The following SH2D4B variants were observed in gnomAD, a reference collection of about 807,000 sequenced individuals.
SH2D4B encodes SH2 domain containing 4B.
SH2D4B carries 45 observed loss-of-function variants against 61.5 expected under a neutral mutation model. The ratio of observed to expected loss-of-function variants is 0.73; its 90% CI spans 0.58 to 0.94. SH2D4B has a LOEUF of 0.94. Among genes scored for constraint, SH2D4B ranks in the 40% least tolerant of loss-of-function variants. The probability of loss-of-function intolerance (pLI) is 0.00; values close to 1 mark genes in which losing one functional copy is unlikely to be tolerated. For missense variants in SH2D4B, 572 were observed against 574.2 expected, an observed-to-expected ratio of 1.00 and a Z score of 0.04; for synonymous variants, 224 against 220.4, an observed-to-expected ratio of 1.02 and a Z score of -0.14.
At chr10:80,544,073 T>C (rs1445481964) in intron 1 of SH2D4B, among the ~76,000 whole-genome samples, 2 of 151,998 alleles carry the variant, frequency 1.3e-5, no homozygotes, top group Admixed American at 6.5e-5. Flanking sequence ...CCTTCCACAC[T>C]GTGGAAGCTT....
chr10:80,598,630 T>G (rs760437914), intron 4 of SH2D4B, among the ~76,000 whole-genome samples: 1 of 152,194 alleles, frequency 6.6e-6, no homozygotes, highest in African/African-American at 2.4e-5. Flanking sequence ...CCAAATTAAA[T>G]TTTCCAAGTT....
chr10:80,586,480 C>G (rs962159335), intron 3 of SH2D4B, among the ~76,000 whole-genome samples: 3 of 152,160 alleles, frequency 2.0e-5, no homozygotes, highest in African/African-American at 7.2e-5. Flanking sequence ...ATGCACCAAT[C>G]GACACTGTAT....
intron 6 of SH2D4B, among the ~76,000 whole-genome samples, chr10:80,610,961 A>T (rs1842590931): frequency 6.6e-6 from 1 of 152,012 alleles, no homozygotes; most frequent in Admixed American, 6.6e-5. Flanking sequence ...ACTTGAGGTC[A>T]GGAGTTTGAA....
chr10:80,545,390 C>CCTCCT (rs1004153790), intron 1 of SH2D4B, among the ~76,000 whole-genome samples: 3 of 151,742 alleles, frequency 2.0e-5, no homozygotes, highest in Non-Finnish European at 4.4e-5. Context: ...TGCTTCTCCT[C>CCTCCT]CTCCTCTCCT....
Position 80,603,762 on chromosome 10 carries a change from C to G in SH2D4B, c.827C>G (p.Pro276Arg). The change falls in exon 5 of 8, where the codon CCG becomes CGG. Residue 276 changes from proline (P) to arginine (R), a missense_variant. By Grantham distance (103) the Pro-to-Arg change is moderately radical (BLOSUM62 -2). Coordinates refer to ENST00000646907, the MANE Select transcript of SH2D4B (RefSeq NM_001388272.1). ...EARLYHHLPDPGLPQPLALPV... is the reference protein window; with the variant it reads ...EARLYHHLPDRGLPQPLALPV... Reference sequence around the variant, plus strand: ...AGACTCTACCACCACCTCCCCGACCCGGGTCTGCCGCAGCCCCTTGCCCTG... The same window carrying G: ...AGACTCTACCACCACCTCCCCGACCGGGGTCTGCCGCAGCCCCTTGCCCTG... 5 of 1,611,994 alleles carry G rather than the reference C, an allele frequency of 3.1e-6. No individual in the cohort carries two copies. Among genetic ancestry groups the G allele is most frequent in the Admixed American group, 1.7e-5 (1 of 59,962 alleles).
intron 6 of SH2D4B, among the ~76,000 whole-genome samples, chr10:80,621,885 G>C (rs1842720026): frequency 1.3e-5 from 2 of 152,088 alleles, no homozygotes. Flanking sequence ...ACCACGCCTG[G>C]CTAATTTTTG....
chr10:80,598,694 A>C (rs981819341), intron 4 of SH2D4B, among the ~76,000 whole-genome samples: 2 of 152,180 alleles, frequency 1.3e-5, no homozygotes, highest in Admixed American at 1.3e-4. Flanking sequence ...TTAGTTATTC[A>C]GTTCAACAGA....
At chr10:80,586,189 C>T (rs2132127981) in intron 3 of SH2D4B, among the ~76,000 whole-genome samples, 1 of 152,230 alleles carries the variant, frequency 6.6e-6, no homozygotes, top group East Asian at 1.9e-4. Flanking sequence ...CGCCGAGCCT[C>T]CACGACGAGC....
chr10:80,603,894 T>C, intron 5 of SH2D4B, 99 bp downstream of exon 5: 2 of 1,112,670 alleles, frequency 1.8e-6, no homozygotes, highest in Non-Finnish European at 2.5e-6. Flanking sequence ...AGATTTGCTG[T>C]GTAGTTTGGG....
At chr10:80,610,136 T>C (rs1335396949) in intron 6 of SH2D4B, among the ~76,000 whole-genome samples, 2 of 152,168 alleles carry the variant, frequency 1.3e-5, no homozygotes, top group Non-Finnish European at 2.9e-5. Context: ...TCTGCTCACA[T>C]TTTCTGTCTT....
chr10:80,556,421 T>A (rs1490084580), intron 1 of SH2D4B, among the ~76,000 whole-genome samples: 2 of 152,256 alleles, frequency 1.3e-5, no homozygotes, highest in Non-Finnish European at 2.9e-5. Context: ...TTGTTTTGAC[T>A]ATTCTAGGTC....
rs759799423 is a variant in SH2D4B at position 80,603,676 on chromosome 10, C to T, written c.741C>T (p.Gly247=). 13 of 1,610,786 alleles carry T rather than the reference C, an allele frequency of 8.1e-6. No individual in the cohort carries two copies. Among genetic ancestry groups the T allele is most frequent in the African/African-American group, 1.3e-5 (1 of 74,926 alleles). ...ACTCGCTCCGTGCTATCCAGAAGGG[C>T]ACGGTCGCTGGCCTCAGCTCCATGT... ...RHHSLRAIQK[G]TVAGLSSMFR... is the part of the protein sequence containing the mutation. Residue 247 remains glycine, a synonymous_variant, in exon 5 of 8, where the codon GGC becomes GGT. Coordinates refer to ENST00000646907, the MANE Select transcript of SH2D4B (RefSeq NM_001388272.1).
At chr10:80,563,136 T>G (rs1188576524) in intron 1 of SH2D4B, among the ~76,000 whole-genome samples, 1 of 151,942 alleles carries the variant, frequency 6.6e-6, no homozygotes, top group African/African-American at 2.4e-5. Context: ...CTCCTGACCT[T>G]GTGATCTGCC....
chr10:80,634,327 T>G lies in SH2D4B; in HGVS notation c.1031T>G (p.Met344Arg). ...REDAEALLENMTEGAFLVRVS... is the reference protein window; with the variant it reads ...REDAEALLENRTEGAFLVRVS... ...GATGCAGAAGCTCTCCTGGAGAACA[T>G]GACTGAGGGAGCATTCCTGGTCCGG... The change falls in exon 7 of 8, where the codon ATG (methionine) becomes AGG (arginine). Residue 344 changes from methionine (M) to arginine (R), a missense_variant. Transcript: ENST00000646907. The G allele has an allele frequency of 1.3e-6, 2 of 1,545,804 alleles. No homozygotes were observed. The highest frequency in any genetic ancestry group is 1.7e-6 in the Non-Finnish European group (2 of 1,143,776).
intron 6 of SH2D4B, among the ~76,000 whole-genome samples, chr10:80,630,415 C>T (rs1028988378): frequency 5.9e-5 from 9 of 152,182 alleles, no homozygotes; most frequent in African/African-American, 2.2e-4. Context: ...CGGCTCATAG[C>T]CTATTTACTA....
chr10:80,598,874 T>A (rs1025262559), intron 4 of SH2D4B, among the ~76,000 whole-genome samples: 1 of 151,994 alleles, frequency 6.6e-6, no homozygotes, highest in African/African-American at 2.4e-5. Flanking sequence ...TGAGAAATGA[T>A]ATTATTTGTA....
chr10:80,588,652 A>G lies in SH2D4B; in HGVS notation c.518A>G (p.Lys173Arg), dbSNP rs1397657777. 2 of 1,614,002 alleles carry G rather than the reference A, an allele frequency of 1.2e-6. No individual in the cohort carries two copies. ...TAGAGGAAAGAGGAAGAGGAGAGGA[A>G]GCGAGGAGAAGAGCAGATTCGCCTC... The part of the protein sequence containing the change: ...EFKRKEEEER[K>R]RGEEQIRLQE... Residue 173 changes from lysine (K) to arginine (R), a missense_variant, in exon 4 of 8, where the codon AAG becomes AGG. Transcript: ENST00000646907.
intron 1 of SH2D4B, among the ~76,000 whole-genome samples, chr10:80,552,266 G>T (rs1010121188): frequency 6.6e-6 from 1 of 152,114 alleles, no homozygotes; most frequent in Non-Finnish European, 1.5e-5. Flanking sequence ...CCTGAGTTTC[G>T]GTGCAGTTTC....
intron 4 of SH2D4B, among the ~76,000 whole-genome samples, chr10:80,592,454 A>G (rs1842340291): frequency 6.6e-6 from 1 of 152,194 alleles, no homozygotes; most frequent in Non-Finnish European, 1.5e-5. Context: ...GCCTAATCCA[A>G]GGAAGGTCAC....
Sources: gnomAD v4.1 joint callset for allele counts (sites outside exome capture counted in the v4.1 genomes callset) on GRCh38, gnomAD v4.1.1 for gene constraint, MANE v1.5 for transcripts, NCBI Gene and HGNC (gene_info 2026-07-23, HGNC 2026-07-21) for gene names.